PARN: variants seen among roughly 807,000 people sequenced by gnomAD.
The protein encoded by PARN is poly(A)-specific ribonuclease PARN.
Under a neutral mutation model 102.8 loss-of-function variants are expected in PARN, and 71 were observed. The observed-to-expected ratio is 0.69, with a 90% confidence interval of 0.57 to 0.84. PARN has a LOEUF of 0.84. Among genes scored for constraint, PARN ranks in the 40% least tolerant of loss-of-function variants. The pLI is 0.00. For missense variants in PARN, 782 were observed against 760.9 expected (o/e 1.03, Z -0.33); for synonymous variants, 261 against 252.9 (o/e 1.03, Z -0.30).
In PARN at chr16:14,546,111, G is replaced by A. The variant is rs542226856; in HGVS notation, c.1480+5910C>T. On this transcript the variant is annotated intron_variant, in intron 21 of 23. Transcript: ENST00000437198. ...ATGAGACACAAATGAGTAATATCAC[G>A]AATAAAAACCAGTTATCACTACAGA... Among the ~76,000 whole-genome samples the A allele has an allele frequency of 1.9e-3, 292 of 152,212 alleles. 1 individual carries two copies. The highest frequency in any genetic ancestry group is 2.2e-3 in the Non-Finnish European group (147 of 68,004).
At chr16:14,560,006 C>G (rs1182750812) in intron 18 of PARN, among the ~76,000 whole-genome samples, 2 of 152,234 alleles carry the variant, frequency 1.3e-5, no homozygotes, top group Non-Finnish European at 2.9e-5. Flanking sequence ...TTGGAAGCCA[C>G]TGCTCTGGTA....
At position 14,554,872 on chromosome 16, in the gene PARN, A is replaced by T. The variant is rs979524462; in HGVS notation, c.1319-721T>A. ...AGCACTGTCCAAATTAAATGGACTAATTGTTAAGTAAGGCAATCCCGAGTC... is the reference window on the plus strand; with the variant it reads ...AGCACTGTCCAAATTAAATGGACTATTTGTTAAGTAAGGCAATCCCGAGTC... On this transcript the variant is annotated intron_variant, in intron 19 of 23. Transcript: ENST00000437198. Among the ~76,000 whole-genome samples, 3 of 152,174 alleles carry T rather than the reference A, an allele frequency of 2.0e-5. No homozygotes were observed. The East Asian group carries it at 5.8e-4, about 29-fold the overall frequency.
At chr16:14,500,530 G>A (rs1045081303) in intron 21 of PARN, among the ~76,000 whole-genome samples, 2 of 152,052 alleles carry the variant, frequency 1.3e-5, no homozygotes, top group East Asian at 1.9e-4. Context: ...AGCAGCCAGG[G>A]CTATAGGCAC....
intron 18 of PARN, among the ~76,000 whole-genome samples, chr16:14,563,520 G>GTATA (rs747128076): frequency 0.016 from 1,215 of 74,974 alleles, 8 homozygotes; most frequent in Non-Finnish European, 0.024. Context: ...GTGTGTGTGT[G>GTATA]TGTATATAAT....
chr16:14,498,257 T>C (rs930714244), intron 21 of PARN, among the ~76,000 whole-genome samples: 1 of 152,068 alleles, frequency 6.6e-6, no homozygotes, highest in African/African-American at 2.4e-5. Context: ...AGAGCTGAGC[T>C]AGCTCACCTG....
chr16:14,550,743 A>G (rs1310286463), intron 21 of PARN, among the ~76,000 whole-genome samples: 1 of 152,222 alleles, frequency 6.6e-6, no homozygotes, highest in Non-Finnish European at 1.5e-5. Flanking sequence ...AGTAAAAAAC[A>G]AACACATCAC....
At position 14,630,187 on chromosome 16, in the gene PARN, C is replaced by A. The variant is rs1596946037; in HGVS notation, c.-62G>T. 2.8e-6 allele frequency: 4 copies of A among 1,447,274 alleles called. No individual in the cohort carries two copies. The highest frequency in any genetic ancestry group is 1.8e-4 in the Middle Eastern group (1 of 5,514). 89.7% of individuals were successfully genotyped at this position (1,447,274 alleles called of 1,614,324 possible). On this transcript the variant is annotated 5_prime_UTR_variant, in exon 1 of 24. Transcript: ENST00000437198. ...CCGCGCCCGCCTCAGCGGTTCTACT[C>A]GCCGAATTCCGCGGCGACTGCGGCA...
intron 8 of PARN, among the ~76,000 whole-genome samples, chr16:14,608,612 G>T (rs1971336502): frequency 6.6e-6 from 1 of 152,118 alleles, no homozygotes; most frequent in South Asian, 2.1e-4. Context: ...CAGATGCATT[G>T]AAATACTTTT....
chr16:14,595,496 C>G (rs1355308267), intron 12 of PARN, among the ~76,000 whole-genome samples: 1 of 152,158 alleles, frequency 6.6e-6, no homozygotes, highest in Non-Finnish European at 1.5e-5. Context: ...TCCCCTACAG[C>G]TGGGACCACA....
intron 21 of PARN, among the ~76,000 whole-genome samples, chr16:14,542,761 G>C (rs541666757): frequency 1.3e-5 from 2 of 152,160 alleles, no homozygotes; most frequent in Non-Finnish European, 2.9e-5. Context: ...CCTGTGGATA[G>C]ACAGAAAATA....
intron 21 of PARN, among the ~76,000 whole-genome samples, chr16:14,530,975 T>C (rs867049819): frequency 2.6e-4 from 40 of 151,494 alleles, no homozygotes; most frequent in Admixed American, 9.9e-4. Context: ...ATTCATTCAT[T>C]CATCCATCCA....
chr16:14,553,155 T>A (rs977794927), intron 20 of PARN, among the ~76,000 whole-genome samples: 1 of 148,350 alleles, frequency 6.7e-6, no homozygotes, highest in East Asian at 2.0e-4. Context: ...CAGTGGCTCA[T>A]GCCTGTAATC....
intron 21 of PARN, among the ~76,000 whole-genome samples, chr16:14,488,512 A>C (rs1241239982): frequency 6.6e-6 from 1 of 152,192 alleles, no homozygotes; most frequent in African/African-American, 2.4e-5. Flanking sequence ...AGAATATATA[A>C]AAATAGCCAC....
At chr16:14,504,561 A>T (rs942792165) in intron 21 of PARN, among the ~76,000 whole-genome samples, 14 of 152,314 alleles carry the variant, frequency 9.2e-5, no homozygotes, top group African/African-American at 3.4e-4. Flanking sequence ...TCCGTCTCAA[A>T]AAATAAATAA....
At chr16:14,452,374 CTTTA>C (rs1278999341) in intron 22 of PARN, among the ~76,000 whole-genome samples, 4 of 152,264 alleles carry the variant, frequency 2.6e-5, no homozygotes, top group East Asian at 3.9e-4. Flanking sequence ...TAATTTACAA[CTTTA>C]TTTATTTATT....
rs1042041679 is a variant in PARN, at chr16:14,552,905, G to A, written c.1406-810C>T. Among the ~76,000 whole-genome samples the A allele has an allele frequency of 3.3e-5, 5 of 152,022 alleles. 1 individual carries two copies. The highest frequency in any genetic ancestry group is 9.6e-5 in the African/African-American group (4 of 41,474). ...GGAGGTTGAGGTGAGCCGAGATCGC[G>A]CCATTGCACTCCAGCCTGGGCAACA... is the stretch of plus-strand genomic sequence containing the variant. On this transcript the variant is annotated intron_variant, in intron 20 of 23. Transcript: ENST00000437198.
chr16:14,531,395 G>A (rs760533383), intron 21 of PARN, among the ~76,000 whole-genome samples: 3 of 151,972 alleles, frequency 2.0e-5, no homozygotes, highest in Non-Finnish European at 2.9e-5. Flanking sequence ...ATCTAATAGG[G>A]TTTCCTTTTT....
chr16:14,612,011 C>G (rs1325157051), intron 6 of PARN, among the ~76,000 whole-genome samples: 1 of 152,104 alleles, frequency 6.6e-6, no homozygotes, highest in Non-Finnish European at 1.5e-5. Context: ...AAACAAGGAG[C>G]CAGCAGTGGG....
At chr16:14,589,740 C>A (rs1349988289) in intron 13 of PARN, among the ~76,000 whole-genome samples, 3 of 151,384 alleles carry the variant, frequency 2.0e-5, no homozygotes, top group Non-Finnish European at 4.4e-5. Context: ...GTGGCAAGCG[C>A]CTGTTAATTC....
Sources: allele counts gnomAD v4.1 joint callset (sites outside exome capture counted in the v4.1 genomes callset), GRCh38; gene constraint gnomAD v4.1.1; transcripts MANE v1.5; gene names NCBI Gene and HGNC (gene_info 2026-07-23, HGNC 2026-07-21).